Variants in C1orf185 observed in about 807,000 individuals in gnomAD.
C1orf185 encodes chromosome 1 open reading frame 185, also known as uncharacterized protein C1orf185.
In C1orf185, 13 loss-of-function variants were observed where a neutral mutation model predicts 16.1. That is an observed-to-expected ratio of 0.81 (90% CI 0.53 to 1.28). C1orf185 has a LOEUF of 1.28. Among genes scored for constraint, C1orf185 ranks in the 50% most tolerant of loss-of-function variants. The pLI is 0.00. For synonymous variants in C1orf185, 80 were observed against 76.9 expected, an observed-to-expected ratio of 1.04 and a Z score of -0.21; for missense variants, 220 against 225.2, an observed-to-expected ratio of 0.98 and a Z score of 0.15.
Position 51,112,461 on chromosome 1 carries a change from T to C in C1orf185, c.17-3T>C, listed in dbSNP as rs371814004. 1.3e-4 allele frequency: 207 copies of C among 1,533,688 alleles called. 1 individual carries two copies. Among genetic ancestry groups the C allele is most frequent in the Admixed American group, 1.7e-4 (8 of 46,744 alleles). On this transcript the variant is annotated splice_polypyrimidine_tract_variant and splice_region_variant and intron_variant, in intron 1 of 4. Coordinates refer to ENST00000371759, the MANE Select transcript of C1orf185 (RefSeq NM_001136508.2). ...AATAATCTTTTGTAATTTGTTTGTA[T>C]AGGTTTTTTTAATTACTTGACCTAT...
chr1:51,102,241 C>T lies in C1orf185; in HGVS notation c.8C>T (p.Ser3Leu), dbSNP rs1171084631. ...TGGTTAGAACTCAGTCATATGGCTT[C>T]ACCTAAAGGTATGAGAAGCTGGGTC... MA[S>L]PKGFFNYLTY... Residue 3 changes from serine (S) to leucine (L), a missense_variant, in exon 1 of 5, where the codon TCA becomes TTA. Transcript: ENST00000371759. 1.4e-6 allele frequency: 1 copy of T among 715,664 alleles called. No homozygotes were observed. Among genetic ancestry groups the T allele is most frequent in the Non-Finnish European group, 2.6e-6 (1 of 383,442 alleles). The allele number at this position is 715,664 out of a possible 1,614,324, so 44.3% of individuals were successfully genotyped here.
At chr1:51,142,774 GT>G (rs1646373777) in intron 3 of C1orf185, among the ~76,000 whole-genome samples, 2 of 151,854 alleles carry the variant, frequency 1.3e-5, no homozygotes, top group South Asian at 4.1e-4. Flanking sequence ...TTTTGGTTTT[GT>G]TTTTTGATTT....
chr1:51,122,956 C>G (rs1646208648), intron 3 of C1orf185, among the ~76,000 whole-genome samples: 1 of 152,164 alleles, frequency 6.6e-6, no homozygotes. Flanking sequence ...TTCTGTTGCT[C>G]ATACCAGAAT....
At chr1:51,147,406 T>C (rs1252398863) in intron 4 of C1orf185, 61 bp from the exon 5 acceptor site, 4 of 1,385,862 alleles carry the variant, frequency 2.9e-6, no homozygotes, top group East Asian at 5.0e-5. Context: ...TCTGACATTG[T>C]CCTTATAATT....
intron 3 of C1orf185, among the ~76,000 whole-genome samples, chr1:51,128,330 G>A (rs1430690738): frequency 6.6e-6 from 1 of 152,178 alleles, no homozygotes; most frequent in Non-Finnish European, 1.5e-5. Flanking sequence ...CAATAAGTGA[G>A]AGTTTCAATT....
chr1:51,145,143 T>TA (rs1227205969), intron 3 of C1orf185, among the ~76,000 whole-genome samples: 1 of 151,858 alleles, frequency 6.6e-6, no homozygotes, highest in Non-Finnish European at 1.5e-5. Flanking sequence ...TTATTTGCTA[T>TA]AAAAAAATAT....
chr1:51,129,500 C>T (rs1046815055), intron 3 of C1orf185, among the ~76,000 whole-genome samples: 2 of 152,168 alleles, frequency 1.3e-5, no homozygotes, highest in Admixed American at 1.3e-4. Context: ...TAACCTTGAA[C>T]TCATGGACTC....
intron 1 of C1orf185, among the ~76,000 whole-genome samples, chr1:51,111,173 A>G (rs1414868221): frequency 6.6e-6 from 1 of 151,906 alleles, no homozygotes; most frequent in Admixed American, 6.6e-5. Context: ...TGTAGCAGGG[A>G]TAAGATAATA....
chr1:51,150,381 C>T (rs1234751879), downstream of C1orf185, among the ~76,000 whole-genome samples: 6 of 151,900 alleles, frequency 3.9e-5, no homozygotes, highest in Non-Finnish European at 7.4e-5. Flanking sequence ...TTAGTAGAGA[C>T]GGGGTTTCAC....
chr1:51,129,374 C>T (rs925946679), intron 3 of C1orf185, among the ~76,000 whole-genome samples: 1 of 152,098 alleles, frequency 6.6e-6, no homozygotes, highest in African/African-American at 2.4e-5. Context: ...ATCTGTTGCC[C>T]ATCTCTACAA....
chr1:51,109,066 G>A (rs1326044173), intron 1 of C1orf185, among the ~76,000 whole-genome samples: 1 of 152,038 alleles, frequency 6.6e-6, no homozygotes, highest in Non-Finnish European at 1.5e-5. Flanking sequence ...CCCTTTCTCT[G>A]CATCCTTGCC....
intron 2 of C1orf185, among the ~76,000 whole-genome samples, chr1:51,114,955 A>C (rs1646147121): frequency 6.6e-6 from 1 of 152,176 alleles, no homozygotes; most frequent in Admixed American, 6.5e-5. Context: ...CTCCTACCTC[A>C]GAGGAAAGAT....
At chr1:51,119,593 A>T (rs184540298) in intron 3 of C1orf185, among the ~76,000 whole-genome samples, 1 of 152,332 alleles carries the variant, frequency 6.6e-6, no homozygotes, top group East Asian at 1.9e-4. Flanking sequence ...AGGAACTGGA[A>T]ACCAGCCCAG....
At chr1:51,102,558 C>T (rs1307415760) in intron 1 of C1orf185, among the ~76,000 whole-genome samples, 1 of 152,066 alleles carries the variant, frequency 6.6e-6, no homozygotes, top group Non-Finnish European at 1.5e-5. Context: ...AATATATTAG[C>T]ATAAATTCAT....
intron 3 of C1orf185, among the ~76,000 whole-genome samples, chr1:51,139,244 A>G (rs977874591): frequency 3.3e-5 from 5 of 151,980 alleles, no homozygotes; most frequent in Non-Finnish European, 7.4e-5. Context: ...CTGGGATTAC[A>G]GGTGCTCGCC....
intron 3 of C1orf185, among the ~76,000 whole-genome samples, chr1:51,144,729 A>G (rs1646387960): frequency 6.6e-6 from 1 of 152,082 alleles, no homozygotes. Context: ...AAAGGGAGTT[A>G]TTCTAACAAA....
intron 1 of C1orf185, among the ~76,000 whole-genome samples, chr1:51,110,804 A>G (rs1646110992): frequency 6.6e-6 from 1 of 152,096 alleles, no homozygotes; most frequent in African/African-American, 2.4e-5. Context: ...CCCCGTGTCT[A>G]CTAAAAATAC....
intron 1 of C1orf185, among the ~76,000 whole-genome samples, chr1:51,103,238 TCTACAAAA>T (rs1557640513): frequency 6.6e-6 from 1 of 151,918 alleles, no homozygotes; most frequent in Non-Finnish European, 1.5e-5. Context: ...AGATTCCATC[TCTACAAAA>T]AATTTAAAAA....
At chr1:51,138,775 C>A (rs1352316461) in intron 3 of C1orf185, among the ~76,000 whole-genome samples, 1 of 152,120 alleles carries the variant, frequency 6.6e-6, no homozygotes, top group Non-Finnish European at 1.5e-5. Flanking sequence ...GCAACCTCCG[C>A]CTCCCAGGTT....
Sources: gnomAD v4.1 joint callset for allele counts (sites outside exome capture counted in the v4.1 genomes callset) on GRCh38, gnomAD v4.1.1 for gene constraint, MANE v1.5 for transcripts, NCBI Gene and HGNC (gene_info 2026-07-23, HGNC 2026-07-21) for gene names.